The following SLC13A4 variants were observed in gnomAD, a reference collection of about 807,000 sequenced individuals.
SLC13A4 encodes solute carrier family 13 member 4, also known as Na(+)/sulfate cotransporter SUT-1.
In SLC13A4, 28 loss-of-function variants were observed where a neutral mutation model predicts 72.7. The ratio of observed to expected loss-of-function variants is 0.39; its 90% CI spans 0.29 to 0.53. The LOEUF is 0.53. SLC13A4 is among the 20% of genes least tolerant of loss of function. The pLI, the probability that SLC13A4 is intolerant of heterozygous loss-of-function variation, is 0.78. For missense variants in SLC13A4, 653 were observed against 788.0 expected, an observed-to-expected ratio of 0.83 and a Z score of 2.05; for synonymous variants, 312 against 325.5, an observed-to-expected ratio of 0.96 and a Z score of 0.45.
Position 135,691,257 on chromosome 7 carries a change from G to T in SLC13A4, c.1390C>A (p.Pro464Thr). The change falls in exon 13 of 16, where the codon CCC becomes ACC. Residue 464 changes from proline (P) to threonine (T), a missense_variant. Transcript: ENST00000682651. ...ITWKDFQKTM[P>T]WEIVILVGGG... ...CCAACCAGAATGACAATCTCCCAGG[G>T]CATGGTCTTCTGGAAGTCCTTCCAC... The T allele has an allele frequency of 1.2e-6, 2 of 1,613,722 alleles. No homozygotes were observed. The highest frequency in any genetic ancestry group is 1.7e-6 in the Non-Finnish European group (2 of 1,179,884).
At chr7:135,710,793 G>A (rs1584734384) in intron 2 of SLC13A4, among the ~76,000 whole-genome samples, 1 of 152,310 alleles carries the variant, frequency 6.6e-6, no homozygotes, top group Admixed American at 6.5e-5. Context: ...GTAGGAGAAG[G>A]GACATCTGCC....
chr7:135,711,942 A>G (rs796470287), intron 2 of SLC13A4, among the ~76,000 whole-genome samples: 120 of 123,404 alleles, frequency 9.7e-4, no homozygotes, highest in African/African-American at 3.7e-3. Flanking sequence ...TGAAACCACT[A>G]CACCTGGCTA....
rs185176961 is a variant in SLC13A4 at position 135,703,283 on chromosome 7, G to C, written c.594-399C>G. ...CTTAGCACGGGGATGCTAAGTGGCA[G>C]AGGAGGGTAGGAGTCCAGGAGTCTG... On this transcript the variant is annotated intron_variant, in intron 5 of 15. Transcript: ENST00000682651. 2.1e-5 allele frequency: 4 copies of C among 192,186 alleles called. No individual in the cohort carries two copies. The Admixed American group carries it at 2.1e-4, about 10-fold the overall frequency. 11.9% of individuals were successfully genotyped at this position (192,186 alleles called of 1,614,324 possible). A position where few individuals can be genotyped will look rare whatever the true frequency, so the allele number is the denominator to read the frequency against.
At chr7:135,719,983 GAGAA>G (rs1043803290) in intron 2 of SLC13A4, among the ~76,000 whole-genome samples, 55 of 151,544 alleles carry the variant, frequency 3.6e-4, no homozygotes, top group African/African-American at 1.3e-3. Flanking sequence ...GAGAAAGAGA[GAGAA>G]AGAAAGAAAA....
intron 1 of SLC13A4, among the ~76,000 whole-genome samples, chr7:135,725,828 G>A (rs1003767108): frequency 1.3e-5 from 2 of 152,124 alleles, no homozygotes; most frequent in African/African-American, 2.4e-5. Flanking sequence ...AGCTGCATGT[G>A]GTGGTACTTG....
intron 1 of SLC13A4, among the ~76,000 whole-genome samples, chr7:135,725,740 G>A (rs1004846404): frequency 3.3e-5 from 5 of 152,120 alleles, no homozygotes; most frequent in African/African-American, 4.8e-5. Flanking sequence ...GGAGGATCAC[G>A]TCAGACCATG....
chr7:135,696,133 G>A (rs949299467), intron 8 of SLC13A4, among the ~76,000 whole-genome samples: 21 of 152,092 alleles, frequency 1.4e-4, no homozygotes, highest in Non-Finnish European at 2.5e-4. Context: ...TTGCCTAGAC[G>A]AGGCTCAGGC....
rs777753843 is a variant in SLC13A4 at position 135,691,257 on chromosome 7, G to A, written c.1390C>T (p.Pro464Ser). ...ITWKDFQKTM[P>S]WEIVILVGGG... ...CCAACCAGAATGACAATCTCCCAGGGCATGGTCTTCTGGAAGTCCTTCCAC... is the reference window on the plus strand; with the variant it reads ...CCAACCAGAATGACAATCTCCCAGGACATGGTCTTCTGGAAGTCCTTCCAC... Residue 464 changes from proline (P) to serine (S), a missense_variant, in exon 13 of 16, where the codon CCC (proline) becomes TCC (serine). By Grantham distance (74) the Pro-to-Ser change is moderately conservative. Coordinates refer to ENST00000682651, the MANE Select transcript of SLC13A4 (RefSeq NM_001318192.2). 6.2e-7 allele frequency: 1 copy of A among 1,613,722 alleles called. No homozygotes were observed.
chr7:135,681,772 G>T (rs1228956564), intron 15 of SLC13A4, 72 bp from the exon 16 acceptor site: 1 of 1,564,002 alleles, frequency 6.4e-7, no homozygotes. Context: ...TCCCCCTTCT[G>T]TTCCTGCAGC....
chr7:135,691,512 A>G (rs1195259037), intron 12 of SLC13A4, 36 bp downstream of exon 12: 3 of 1,565,474 alleles, frequency 1.9e-6, no homozygotes, highest in East Asian at 4.5e-5. Flanking sequence ...GGTATTCTTC[A>G]ACTAGAGCTA....
At position 135,727,441 on chromosome 7, in the gene SLC13A4, A is replaced by G; in HGVS notation, c.56T>C (p.Val19Ala). 1 of 1,550,044 alleles carries G rather than the reference A, an allele frequency of 6.5e-7. No homozygotes were observed. The highest frequency in any genetic ancestry group is 8.7e-7 in the Non-Finnish European group (1 of 1,146,910). The part of the protein sequence containing the change: ...RVRKLLLVVC[V>A]PLLLLPLPVL... The stretch of plus-strand genomic sequence containing the variant: ...GGGCAGAGGCAGCAGCAGGAGCGGG[A>G]CGCAGACGACCAGCAGCAGCTTCCG... The change falls in exon 1 of 16, where the codon GTC (valine) becomes GCC (alanine). Residue 19 changes from valine (V) to alanine (A), a missense_variant. By Grantham distance (64) the Val-to-Ala change is moderately conservative. Coordinates refer to ENST00000682651, the MANE Select transcript of SLC13A4 (RefSeq NM_001318192.2).
intron 1 of SLC13A4, among the ~76,000 whole-genome samples, chr7:135,724,906 C>T (rs1364531800): frequency 2.0e-5 from 3 of 152,198 alleles, no homozygotes; most frequent in African/African-American, 7.2e-5. Context: ...GCAAAGTTTG[C>T]TTACAAGGAG....
Position 135,692,312 on chromosome 7 carries a change from A to T in SLC13A4, c.1223+11T>A, listed in dbSNP as rs1190639421. On this transcript the variant is annotated intron_variant, in intron 11 of 15. Coordinates refer to ENST00000682651, the MANE Select transcript of SLC13A4 (RefSeq NM_001318192.2). ...GGGGGTTGTTCTTAAGGAGGAAATG[A>T]TATCACTTACTTTTCAAAGAAAGAA... The T allele has an allele frequency of 6.3e-7, 1 of 1,591,760 alleles. No homozygotes were observed. Among genetic ancestry groups the T allele is most frequent in the South Asian group, 1.1e-5 (1 of 90,596 alleles).
chr7:135,691,591 G>A lies in SLC13A4; in HGVS notation c.1278C>T (p.Phe426=). The change falls in exon 12 of 16, where the codon TTC becomes TTT. Residue 426 remains phenylalanine, a synonymous_variant. Transcript: ENST00000682651. ...AGCAGGGCTTCTTCGCTGGAATGAG[G>A]AAGAGGAGGAAGCCAAGGAAGACAG... ...TVSVFLGFLL[F]LIPAKKPCFG... 1 of 1,614,050 alleles carries A rather than the reference G, an allele frequency of 6.2e-7. No homozygotes were observed. Among genetic ancestry groups the A allele is most frequent in the Non-Finnish European group, 8.5e-7 (1 of 1,179,886 alleles).
chr7:135,691,915 C>G, intron 11 of SLC13A4: 1 of 444,640 alleles, frequency 2.2e-6, no homozygotes, highest in Admixed American at 3.9e-5. Flanking sequence ...ATGGAGTGAT[C>G]AGGAGTGGAG....
chr7:135,721,281 G>A, intron 2 of SLC13A4, 114 bp downstream of exon 2: 1 of 1,256,794 alleles, frequency 8.0e-7, no homozygotes, highest in Non-Finnish European at 1.1e-6. Context: ...TCATTCCAGT[G>A]GGTGACAAGG....
intron 15 of SLC13A4, chr7:135,683,485 C>T (rs75252044): frequency 4.5e-5 from 44 of 984,414 alleles, no homozygotes; most frequent in Middle Eastern, 5.2e-4. Context: ...CCTCTCCCCC[C>T]CCGCTCAGCC....
At chr7:135,693,789 C>T (rs777827108) in intron 10 of SLC13A4, among the ~76,000 whole-genome samples, 19 of 152,162 alleles carry the variant, frequency 1.2e-4, no homozygotes, top group Non-Finnish European at 2.5e-4. Flanking sequence ...ACTGTGGTGG[C>T]GCGTCTGAGC....
chr7:135,685,032 C>T (rs1563154526), intron 14 of SLC13A4, among the ~76,000 whole-genome samples: 1 of 152,158 alleles, frequency 6.6e-6, no homozygotes, highest in Non-Finnish European at 1.5e-5. Flanking sequence ...GACCTTGCTC[C>T]CAATCCTCAG....
Sources: allele counts gnomAD v4.1 joint callset (sites outside exome capture counted in the v4.1 genomes callset), GRCh38; gene constraint gnomAD v4.1.1; transcripts MANE v1.5; gene names NCBI Gene and HGNC (gene_info 2026-07-23, HGNC 2026-07-21).